The following ZNF558 variants were observed in gnomAD, a reference collection of about 807,000 sequenced individuals.
The protein encoded by ZNF558 is zinc finger protein 558.
ZNF558 carries 23 observed loss-of-function variants against 37.6 expected under a neutral mutation model. The observed-to-expected ratio is 0.61, with a 90% CI of 0.44 to 0.87. ZNF558 has a LOEUF of 0.87. ZNF558 is among the 40% of genes least tolerant of loss of function. ZNF558 has a pLI of 0.00. For synonymous variants in ZNF558, 189 were observed against 174.4 expected, an observed-to-expected ratio of 1.08 and a Z score of -0.66; for missense variants, 429 against 483.7, an observed-to-expected ratio of 0.89 and a Z score of 1.06.
upstream of ZNF558, among the ~76,000 whole-genome samples, chr19:8,835,954 A>G (rs1424007448): frequency 6.6e-6 from 1 of 152,232 alleles, no homozygotes; most frequent in Non-Finnish European, 1.5e-5. Flanking sequence ...TAAAATTTCC[A>G]GAATAAGAAA....
chr19:8,826,916 G>C (rs867340681), intron 2 of ZNF558, among the ~76,000 whole-genome samples: 2 of 151,970 alleles, frequency 1.3e-5, no homozygotes, highest in African/African-American at 4.8e-5. Flanking sequence ...ACCCTCTACA[G>C]GGGGAAGTAT....
intron 2 of ZNF558, 163 bp downstream of exon 2, chr19:8,831,155 A>G (rs1171380468): frequency 2.6e-5 from 4 of 152,176 alleles, no homozygotes; most frequent in Non-Finnish European, 5.9e-5. Flanking sequence ...CACACATGTA[A>G]CCATAAACAC....
intron 7 of ZNF558, among the ~76,000 whole-genome samples, chr19:8,817,786 T>A (rs1052361393): frequency 6.6e-6 from 1 of 152,146 alleles, no homozygotes; most frequent in African/African-American, 2.4e-5. Context: ...ATGGAGAAAA[T>A]GTAACGATTA....
intron 9 of ZNF558, 57 bp from the exon 10 acceptor site, chr19:8,812,120 T>A: frequency 7.3e-7 from 1 of 1,365,864 alleles, no homozygotes; most frequent in Non-Finnish European, 9.7e-7. Context: ...ATACTTAATG[T>A]TCTCCTAGGA....
In ZNF558 at chr19:8,810,566, G is replaced by C. The variant is rs1555767382; in HGVS notation, c.*715C>G. Reference sequence around the variant, plus strand: ...TTACCATACAGATTGTCCTCAAAAGGTTTCTCTTCAGAGTGAATTAATAGG... The same window carrying C: ...TTACCATACAGATTGTCCTCAAAAGCTTTCTCTTCAGAGTGAATTAATAGG... On this transcript the variant is annotated 3_prime_UTR_variant, in exon 10 of 10. Transcript: ENST00000601372. 6.6e-6 allele frequency: 1 copy of C among 152,202 alleles called. No homozygotes were observed. The highest frequency in any genetic ancestry group is 6.5e-5 in the Admixed American group (1 of 15,274). 9.4% of individuals were successfully genotyped at this position (152,202 alleles called of 1,614,324 possible).
Position 8,821,476 on chromosome 19 carries a change from G to C in ZNF558, c.121-170C>G, listed in dbSNP as rs1272238725. The C allele has an allele frequency of 3.4e-6, 5 of 1,476,418 alleles. No individual in the cohort carries two copies. In the African/African-American group the frequency reaches 7.1e-5, roughly 21 times the overall value. The allele number at this position is 1,476,418 out of a possible 1,614,324, so 91.5% of individuals were successfully genotyped here. On this transcript the variant is annotated intron_variant, in intron 6 of 9. Transcript: ENST00000601372. Reference sequence around the variant, plus strand: ...TTCTGAGCTCCTCTCCCAGGGTTCTGAGCTCCTCTCCTGGGGTTCTGAGCT... The same window carrying C: ...TTCTGAGCTCCTCTCCCAGGGTTCTCAGCTCCTCTCCTGGGGTTCTGAGCT...
chr19:8,807,330 C>T lies in ZNF558; in HGVS notation c.*3951G>A, dbSNP rs1445117724. ...TGCTTTACAACTTTTTGTGGTTTCC[C>T]TGGATCCTGTCCACAGGACTGAGTA... is the stretch of plus-strand genomic sequence containing the variant. On this transcript the variant is annotated 3_prime_UTR_variant, in exon 10 of 10. Coordinates refer to ENST00000601372, the MANE Select transcript of ZNF558 (RefSeq NM_144693.3). 3 of 152,476 alleles carry T rather than the reference C, an allele frequency of 2.0e-5. No homozygotes were observed. The East Asian group carries it at 5.8e-4, about 29-fold the overall frequency. The allele number at this position is 152,476 out of a possible 1,614,324, so 9.4% of individuals were successfully genotyped here.
chr19:8,806,377 T>C lies in ZNF558; in HGVS notation c.*4904A>G, dbSNP rs1274432273. 2 of 152,114 alleles carry C rather than the reference T, an allele frequency of 1.3e-5. No individual in the cohort carries two copies. The highest frequency in any genetic ancestry group is 4.8e-5 in the African/African-American group (2 of 41,422). The allele number at this position is 152,114 out of a possible 1,614,324, so 9.4% of individuals were successfully genotyped here. A position where few individuals can be genotyped will look rare whatever the true frequency, so the allele number is the denominator to read the frequency against. ...CTCTTCAGTGTTTCTGAAAATACGGTTATGCTGTTAATTCTCTCAGCTTAA... is the reference window on the plus strand; with the variant it reads ...CTCTTCAGTGTTTCTGAAAATACGGCTATGCTGTTAATTCTCTCAGCTTAA... On this transcript the variant is annotated 3_prime_UTR_variant, in exon 10 of 10. Coordinates refer to ENST00000601372, the MANE Select transcript of ZNF558 (RefSeq NM_144693.3).
In ZNF558 at chr19:8,806,501, C is replaced by T. The variant is rs971821043; in HGVS notation, c.*4780G>A. 5.3e-5 allele frequency: 8 copies of T among 152,190 alleles called. No homozygotes were observed. Among genetic ancestry groups the T allele is most frequent in the African/African-American group, 1.7e-4 (7 of 41,428 alleles). 9.4% of individuals were successfully genotyped at this position (152,190 alleles called of 1,614,324 possible). ...ATCATGTGAGGTCAAAGGATCGAGA[C>T]CATCCTGGCCAACATGGTGAAACCC... On this transcript the variant is annotated 3_prime_UTR_variant, in exon 10 of 10. Coordinates refer to ENST00000601372, the MANE Select transcript of ZNF558 (RefSeq NM_144693.3).
Position 8,822,636 on chromosome 19 carries a change from C to G in ZNF558, c.24G>C (p.Ser8=). 1 of 1,614,040 alleles carries G rather than the reference C, an allele frequency of 6.2e-7. No individual in the cohort carries two copies. Among genetic ancestry groups the G allele is most frequent in the South Asian group, 1.1e-5 (1 of 91,074 alleles). ...CAGGACCCCACGACTCACCAGCAGTCGAGGGCAGGATGACAGCCGCCATCC... is the reference window on the plus strand; with the variant it reads ...CAGGACCCCACGACTCACCAGCAGTGGAGGGCAGGATGACAGCCGCCATCC... The part of the protein sequence containing the change: MAAVILP[S]TAAPSSLFPA... The change falls in exon 5 of 10, where the codon TCG becomes TCC. Residue 8 remains serine (S), a synonymous_variant. Coordinates refer to ENST00000601372, the MANE Select transcript of ZNF558 (RefSeq NM_144693.3). This position sits in a 1 kb window ranked among gnomAD's most constrained non-coding sequence, Gnocchi z 4.4.
At chr19:8,828,771 G>A (rs544768256) in intron 2 of ZNF558, among the ~76,000 whole-genome samples, 1 of 152,142 alleles carries the variant, frequency 6.6e-6, no homozygotes, top group South Asian at 2.1e-4. Flanking sequence ...AGGCCAACCT[G>A]GCTAACATGG....
intron 3 of ZNF558, among the ~76,000 whole-genome samples, 164 bp downstream of exon 3, chr19:8,824,838 G>A (rs1336353823): frequency 1.3e-5 from 2 of 152,244 alleles, no homozygotes; most frequent in African/African-American, 4.8e-5. Context: ...GCCCATCCTT[G>A]GGGTACAGCT....
chr19:8,834,389 C>G (rs1271651749), upstream of ZNF558, among the ~76,000 whole-genome samples: 3 of 152,114 alleles, frequency 2.0e-5, no homozygotes, highest in Non-Finnish European at 4.4e-5. Context: ...GCAGGCAGAT[C>G]ACGAGGTCAA....
intron 7 of ZNF558, among the ~76,000 whole-genome samples, chr19:8,819,150 A>T (rs2044017499): frequency 6.6e-6 from 1 of 152,190 alleles, no homozygotes. Flanking sequence ...CAAGCAAAAA[A>T]GAAAAACTAG....
rs542670266 is a variant in ZNF558, at chr19:8,809,260, G to A, written c.*2021C>T. On this transcript the variant is annotated 3_prime_UTR_variant, in exon 10 of 10. Coordinates refer to ENST00000601372, the MANE Select transcript of ZNF558 (RefSeq NM_144693.3). ...CCTTGAGGCCACTTTCCAAGAGACA[G>A]AATGGGTGAGGTGAATGGAAAATAT... 6.6e-6 allele frequency: 1 copy of A among 152,342 alleles called. No homozygotes were observed. The highest frequency in any genetic ancestry group is 2.4e-5 in the African/African-American group (1 of 41,582). 9.4% of individuals were successfully genotyped at this position (152,342 alleles called of 1,614,324 possible).
chr19:8,812,498 C>T lies in ZNF558; in HGVS notation c.426+63G>A, dbSNP rs566186056. 226 of 1,149,762 alleles carry T rather than the reference C, an allele frequency of 2.0e-4. 1 individual carries two copies. The Middle Eastern group carries it at 4.1e-3, about 21-fold the overall frequency. 71.2% of individuals were successfully genotyped at this position (1,149,762 alleles called of 1,614,324 possible). ...AATGCCTCTCCTGGTTATTTTGTGC[C>T]CTTTCTAAACTTAAGGCATTCTCCT... is the stretch of plus-strand genomic sequence containing the variant. On this transcript the variant is annotated intron_variant, in intron 9 of 9. Transcript: ENST00000601372.
rs1259917313 is a variant in ZNF558 at position 8,811,171 on chromosome 19, T to C, written c.*110A>G. On this transcript the variant is annotated 3_prime_UTR_variant, in exon 10 of 10. Coordinates refer to ENST00000601372, the MANE Select transcript of ZNF558 (RefSeq NM_144693.3). The stretch of plus-strand genomic sequence containing the variant: ...TTTGAAGCCACAAAATTTGCGGGGA[T>C]CATTTGTTATGCTGCAACAAATAAC... 4.1e-6 allele frequency: 5 copies of C among 1,225,446 alleles called. No individual in the cohort carries two copies. In the Admixed American group the frequency reaches 1.1e-4, roughly 26 times the overall value. 75.9% of individuals were successfully genotyped at this position (1,225,446 alleles called of 1,614,324 possible).
intron 8 of ZNF558, 74 bp downstream of exon 8, chr19:8,813,053 A>G: frequency 1.7e-6 from 2 of 1,174,214 alleles, no homozygotes; most frequent in South Asian, 2.6e-5. Flanking sequence ...ACATGAACTA[A>G]TGTAATACTC....
Position 8,812,646 on chromosome 19 carries a change from G to T in ZNF558, c.344-3C>A. The T allele has an allele frequency of 6.4e-7, 1 of 1,574,288 alleles. No homozygotes were observed. The highest frequency in any genetic ancestry group is 2.0e-5 in the Admixed American group (1 of 50,378). On this transcript the variant is annotated splice_polypyrimidine_tract_variant and splice_region_variant and intron_variant, in intron 8 of 9. Transcript: ENST00000601372. Reference sequence around the variant, plus strand: ...GGCTTTAAGTAGAGTCTCCAAATCTGAAACAAATTGAAAAGAAATTTAGGT... The same window carrying T: ...GGCTTTAAGTAGAGTCTCCAAATCTTAAACAAATTGAAAAGAAATTTAGGT...
Sources: allele counts gnomAD v4.1 joint callset (sites outside exome capture counted in the v4.1 genomes callset), GRCh38; gene constraint gnomAD v4.1.1; non-coding constraint Gnocchi (gnomAD v3.1); transcripts MANE v1.5; gene names NCBI Gene and HGNC (gene_info 2026-07-23, HGNC 2026-07-21).